ULK4: variants seen among roughly 807,000 people sequenced by gnomAD.
The protein encoded by ULK4 is unc-51 like kinase 4.
In ULK4, 133 loss-of-function variants were observed where a neutral mutation model predicts 160.6. That is an observed-to-expected ratio of 0.83 (90% CI 0.72 to 0.96). The LOEUF is 0.96. Among genes scored for constraint, ULK4 ranks in the 40% least tolerant of loss-of-function variants. The pLI, the probability that ULK4 is intolerant of heterozygous loss-of-function variation, is 0.00. For synonymous variants in ULK4, 534 were observed against 539.8 expected, an observed-to-expected ratio of 0.99 and a Z score of 0.15; for missense variants, 1,580 against 1,499.5, an observed-to-expected ratio of 1.05 and a Z score of -0.89.
intron 18 of ULK4, among the ~76,000 whole-genome samples, chr3:41,828,895 A>G (rs1287882412): frequency 6.6e-6 from 1 of 151,628 alleles, no homozygotes; most frequent in East Asian, 1.9e-4. Flanking sequence ...ACTTCAAACT[A>G]TACTACAAGG....
chr3:41,703,852 AC>A (rs1429467702), intron 27 of ULK4, among the ~76,000 whole-genome samples: 76 of 150,808 alleles, frequency 5.0e-4, no homozygotes, highest in African/African-American at 1.8e-3. Context: ...ACACACACAC[AC>A]ACACACACAC....
chr3:41,528,424 C>A (rs1385619746), intron 32 of ULK4, among the ~76,000 whole-genome samples: 1 of 152,096 alleles, frequency 6.6e-6, no homozygotes, highest in Non-Finnish European at 1.5e-5. Flanking sequence ...TTGTAGCCTA[C>A]TTGTAAGATA....
At chr3:41,860,519 T>C (rs1284566094) in intron 17 of ULK4, among the ~76,000 whole-genome samples, 1 of 152,246 alleles carries the variant, frequency 6.6e-6, no homozygotes, top group African/African-American at 2.4e-5. Flanking sequence ...AAATCTATTG[T>C]ATGTAATGTA....
At chr3:41,896,199 G>A (rs1210977292) in intron 15 of ULK4, among the ~76,000 whole-genome samples, 1 of 152,150 alleles carries the variant, frequency 6.6e-6, no homozygotes, top group Non-Finnish European at 1.5e-5. Flanking sequence ...CACATGGGGA[G>A]TTCATTCCAG....
chr3:41,493,638 G>C (rs557267267), intron 32 of ULK4, among the ~76,000 whole-genome samples: 1 of 146,796 alleles, frequency 6.8e-6, no homozygotes, highest in Admixed American at 6.8e-5. Flanking sequence ...GGGAATCCAG[G>C]AGCTGGTTTT....
chr3:41,764,735 C>T (rs1436657394), intron 21 of ULK4, among the ~76,000 whole-genome samples: 1 of 152,180 alleles, frequency 6.6e-6, no homozygotes, highest in Non-Finnish European at 1.5e-5. Context: ...TGCCACATTT[C>T]TTAAAGGAAT....
chr3:41,371,357 C>T (rs1223795419), intron 35 of ULK4, among the ~76,000 whole-genome samples: 1 of 152,146 alleles, frequency 6.6e-6, no homozygotes, highest in Non-Finnish European at 1.5e-5. Flanking sequence ...TGGGGAGATA[C>T]CTCATGGCAG....
At chr3:41,401,487 C>T (rs2082177624) in intron 34 of ULK4, among the ~76,000 whole-genome samples, 1 of 152,062 alleles carries the variant, frequency 6.6e-6, no homozygotes, top group Non-Finnish European at 1.5e-5. Flanking sequence ...CCAAGGGGCT[C>T]CATAATCATC....
intron 22 of ULK4, among the ~76,000 whole-genome samples, chr3:41,734,505 G>A (rs976720218): frequency 6.6e-6 from 1 of 152,128 alleles, no homozygotes; most frequent in Admixed American, 6.5e-5. Context: ...GTTCATCTAA[G>A]TGTATATCAG....
At chr3:41,831,872 T>A (rs998522364) in intron 18 of ULK4, among the ~76,000 whole-genome samples, 2 of 152,118 alleles carry the variant, frequency 1.3e-5, no homozygotes, top group Non-Finnish European at 2.9e-5. Flanking sequence ...CTGCAAATGA[T>A]ATGATCTCAT....
At chr3:41,765,655 T>C (rs1274853679) in intron 21 of ULK4, among the ~76,000 whole-genome samples, 2 of 152,136 alleles carry the variant, frequency 1.3e-5, no homozygotes, top group Admixed American at 6.5e-5. Context: ...AGACAGACTA[T>C]TCATTAAATG....
chr3:41,951,144 C>CAAAAAAAAAAAAAAA (rs34524276), intron 2 of ULK4, among the ~76,000 whole-genome samples: 5 of 64,650 alleles, frequency 7.7e-5, no homozygotes, highest in Non-Finnish European at 7.6e-5. Context: ...GGCTTCGTCT[C>CAAAAAAAAAAAAAAA]AAAAAAAAAA....
chr3:41,784,036 T>C (rs2039929896), intron 21 of ULK4, among the ~76,000 whole-genome samples: 1 of 152,150 alleles, frequency 6.6e-6, no homozygotes, highest in Non-Finnish European at 1.5e-5. Context: ...CAGAAGCTTC[T>C]TGGTCAGTCA....
At position 41,547,845 on chromosome 3, in the gene ULK4, C is replaced by CTACACCATGA. The variant is rs528401235; in HGVS notation, c.3226+18170_3226+18179dup. On this transcript the variant is annotated intron_variant, in intron 32 of 36. Transcript: ENST00000301831. ...CCAGCAATCTAGCCCATGCGGTGTCCTACACCATGAAAACAAGCATTGCAG... is the reference window on the plus strand; with the variant it reads ...CCAGCAATCTAGCCCATGCGGTGTCCTACACCATGATACACCATGAAAACAAGCATTGCAG... 1.3e-3 allele frequency among the ~76,000 whole-genome samples: 205 copies of CTACACCATGA among 152,284 alleles called. 1 individual carries two copies. Among genetic ancestry groups the CTACACCATGA allele is most frequent in the African/African-American group, 4.4e-3 (184 of 41,564 alleles).
chr3:41,788,500 C>T (rs1045028315), intron 21 of ULK4, among the ~76,000 whole-genome samples: 1 of 151,918 alleles, frequency 6.6e-6, no homozygotes, highest in Non-Finnish European at 1.5e-5. Context: ...CTGGCTAACA[C>T]GGTGAAACCC....
intron 31 of ULK4, among the ~76,000 whole-genome samples, chr3:41,601,828 C>T (rs2032085089): frequency 6.6e-6 from 1 of 152,070 alleles, no homozygotes; most frequent in Non-Finnish European, 1.5e-5. Context: ...GAGATTAAGG[C>T]AATATGATGA....
chr3:41,573,649 C>T (rs1252239742), intron 31 of ULK4, among the ~76,000 whole-genome samples: 1 of 152,152 alleles, frequency 6.6e-6, no homozygotes, highest in Non-Finnish European at 1.5e-5. Context: ...GTTGGGCACG[C>T]AGCATCTACA....
chr3:41,438,881 C>A (rs1429329605), intron 34 of ULK4, among the ~76,000 whole-genome samples: 3 of 151,268 alleles, frequency 2.0e-5, no homozygotes, highest in African/African-American at 7.3e-5. Flanking sequence ...GTAAACCATT[C>A]CAGAGGATAG....
At chr3:41,299,557 C>T (rs932389307) in intron 35 of ULK4, among the ~76,000 whole-genome samples, 3 of 152,168 alleles carry the variant, frequency 2.0e-5, no homozygotes, top group African/African-American at 7.2e-5. Context: ...GAGCTATGTA[C>T]GTGGCTCTTG....
Sources: gnomAD v4.1 joint callset for allele counts (sites outside exome capture counted in the v4.1 genomes callset) on GRCh38, gnomAD v4.1.1 for gene constraint, MANE v1.5 for transcripts, NCBI Gene and HGNC (gene_info 2026-07-23, HGNC 2026-07-21) for gene names.